STOX1: variants seen among roughly 807,000 people sequenced by gnomAD.
The protein encoded by STOX1 is storkhead box 1, also known as storkhead-box protein 1.
Under a neutral mutation model 74.8 loss-of-function variants are expected in STOX1, and 57 were observed. That is an observed-to-expected ratio of 0.76 (90% CI 0.62 to 0.95). The LOEUF (loss-of-function observed/expected upper bound fraction) is 0.95, where lower values mean the gene tolerates loss of function less well. STOX1 is among the 40% of genes least tolerant of loss of function. STOX1 has a pLI of 0.00. For missense variants in STOX1, 1,010 were observed against 1,117.0 expected, an observed-to-expected ratio of 0.90 and a Z score of 1.37; for synonymous variants, 375 against 401.3, an observed-to-expected ratio of 0.93 and a Z score of 0.78.
At chr10:68,873,552 C>T (rs10998469) in intron 1 of STOX1, among the ~76,000 whole-genome samples, 4,143 of 121,796 alleles carry the variant, frequency 0.034, 129 homozygotes, top group African/African-American at 0.087. Context: ...TGAGCCACCG[C>T]GCCTGGCCTT....
chr10:68,828,795 G>T (rs114033571), intron 1 of STOX1, among the ~76,000 whole-genome samples: 1 of 152,152 alleles, frequency 6.6e-6, no homozygotes, highest in Non-Finnish European at 1.5e-5. Context: ...CTTTGGGGTC[G>T]TTAACTTCTT....
intron 1 of STOX1, among the ~76,000 whole-genome samples, chr10:68,871,477 G>A (rs1306420645): frequency 6.6e-6 from 1 of 152,238 alleles, no homozygotes; most frequent in Non-Finnish European, 1.5e-5. Context: ...CTGTTGAACA[G>A]CTCATCTTCC....
intron 1 of STOX1, among the ~76,000 whole-genome samples, chr10:68,844,104 C>T (rs1179430788): frequency 1.3e-5 from 2 of 151,270 alleles, no homozygotes; most frequent in East Asian, 2.0e-4. Flanking sequence ...GGCATGAGCC[C>T]GGGAGGCGGA....
chr10:68,881,277 G>T (rs1840807773), intron 1 of STOX1, among the ~76,000 whole-genome samples: 1 of 152,134 alleles, frequency 6.6e-6, no homozygotes, highest in South Asian at 2.1e-4. Flanking sequence ...TACATTTCCA[G>T]CCTTGTCTTC....
intron 1 of STOX1, among the ~76,000 whole-genome samples, chr10:68,862,223 T>C (rs1421610974): frequency 6.6e-6 from 1 of 151,958 alleles, no homozygotes; most frequent in East Asian, 1.9e-4. Context: ...CGAGAGTGTC[T>C]CAGAATTTTC....
intron 1 of STOX1, among the ~76,000 whole-genome samples, chr10:68,830,632 C>T (rs1839382052): frequency 1.3e-5 from 2 of 152,220 alleles, no homozygotes; most frequent in East Asian, 1.9e-4. Flanking sequence ...CATGAGCTAC[C>T]GCGCCTGACG....
intron 1 of STOX1, chr10:68,846,887 A>G (rs915721872): frequency 3.3e-5 from 5 of 152,232 alleles, no homozygotes; most frequent in African/African-American, 1.2e-4. Context: ...GTGACATACA[A>G]ATTAATGAAG....
rs542436343 is a variant in STOX1, at chr10:68,852,597, T to C, written c.310+24664T>C. 6.4e-4 allele frequency among the ~76,000 whole-genome samples: 97 copies of C among 151,600 alleles called. 2 individuals carry two copies. The South Asian group carries it at 0.018, about 29-fold the overall frequency. On this transcript the variant is annotated intron_variant, in intron 1 of 3. Coordinates refer to ENST00000298596, the MANE Select transcript of STOX1 (RefSeq NM_152709.5). ...AAGATTTTTTTGTCTTTTTTTTTTT[T>C]CTCCAAGACAGGGTCTCAATCTATT...
intron 1 of STOX1, among the ~76,000 whole-genome samples, chr10:68,867,069 C>T (rs1402414585): frequency 6.6e-6 from 1 of 151,804 alleles, no homozygotes; most frequent in African/African-American, 2.4e-5. Flanking sequence ...CTCAGCCTCC[C>T]GAGTAGCTGG....
chr10:68,840,451 G>A (rs776635668), intron 1 of STOX1, among the ~76,000 whole-genome samples: 4 of 152,138 alleles, frequency 2.6e-5, no homozygotes, highest in Non-Finnish European at 4.4e-5. Context: ...GTAGAGATGA[G>A]GTTTCACCAC....
At chr10:68,870,731 G>A (rs540678730) in intron 1 of STOX1, among the ~76,000 whole-genome samples, 1 of 152,156 alleles carries the variant, frequency 6.6e-6, no homozygotes, top group East Asian at 1.9e-4. Flanking sequence ...AAGATGAAGG[G>A]GACAACATGA....
chr10:68,832,794 T>A (rs533510381), intron 1 of STOX1, among the ~76,000 whole-genome samples: 3 of 152,212 alleles, frequency 2.0e-5, no homozygotes, highest in Non-Finnish European at 2.9e-5. Context: ...GACAGAGTCT[T>A]GCTCTCTTAC....
At position 68,887,812 on chromosome 10, in the gene STOX1, C is replaced by G. The variant is rs1184913043; in HGVS notation, c.2822+1194C>G. ...GTTTTGCCATGTTGGCCAGGCTGGT[C>G]TTGAACTCCTGACCTCAAGTGATCC... On this transcript the variant is annotated intron_variant, in intron 3 of 3. Transcript: ENST00000298596. 2.6e-5 allele frequency among the ~76,000 whole-genome samples: 4 copies of G among 151,954 alleles called. No individual in the cohort carries two copies. The East Asian group carries it at 7.7e-4, about 29-fold the overall frequency.
chr10:68,879,052 G>T (rs1159828216), intron 1 of STOX1, among the ~76,000 whole-genome samples: 2 of 152,112 alleles, frequency 1.3e-5, no homozygotes, highest in South Asian at 4.1e-4. Flanking sequence ...CAGAATCCAC[G>T]TTAGCAAGAT....
At chr10:68,863,331 C>T (rs1409445122) in intron 1 of STOX1, among the ~76,000 whole-genome samples, 1 of 152,098 alleles carries the variant, frequency 6.6e-6, no homozygotes, top group Non-Finnish European at 1.5e-5. Context: ...TTAAATTACT[C>T]ATTGTGACTG....
intron 1 of STOX1, among the ~76,000 whole-genome samples, chr10:68,868,016 G>A (rs943648474): frequency 3.9e-5 from 6 of 152,140 alleles, no homozygotes; most frequent in Admixed American, 2.0e-4. Flanking sequence ...TATTCACCAC[G>A]GGGATTGCTT....
intron 1 of STOX1, among the ~76,000 whole-genome samples, chr10:68,853,106 G>A (rs1840030712): frequency 6.6e-6 from 1 of 151,950 alleles, no homozygotes; most frequent in Non-Finnish European, 1.5e-5. Context: ...GTTATTTTTA[G>A]TAGAAACGGG....
At chr10:68,870,738 A>G (rs1163190278) in intron 1 of STOX1, among the ~76,000 whole-genome samples, 1 of 152,204 alleles carries the variant, frequency 6.6e-6, no homozygotes, top group Non-Finnish European at 1.5e-5. Context: ...AGGGGACAAC[A>G]TGACAGGAAA....
Position 68,882,778 on chromosome 10 carries a change from A to T in STOX1, c.463+668A>T, listed in dbSNP as rs529700170. 1.7e-4 allele frequency among the ~76,000 whole-genome samples: 26 copies of T among 152,298 alleles called. No homozygotes were observed. In the South Asian group the frequency reaches 5.4e-3, roughly 32 times the overall value. The stretch of plus-strand genomic sequence containing the variant: ...CCCCGAAGTGTTGGGATTACAGGCA[A>T]GGGCCACCATGCCCGGCATAAATTG... On this transcript the variant is annotated intron_variant, in intron 2 of 3. Transcript: ENST00000298596.
Sources: gnomAD v4.1 joint callset for allele counts (sites outside exome capture counted in the v4.1 genomes callset) on GRCh38, gnomAD v4.1.1 for gene constraint, MANE v1.5 for transcripts, NCBI Gene and HGNC (gene_info 2026-07-23, HGNC 2026-07-21) for gene names.